DACH2: variants seen among roughly 807,000 people sequenced by gnomAD.
The protein encoded by DACH2 is dachshund homolog 2.
A neutral mutation model predicts 35.8 loss-of-function variants in DACH2; 17 were observed. That is an observed-to-expected ratio of 0.48 (90% CI 0.33 to 0.71). DACH2 has a LOEUF of 0.71. Among genes scored for constraint, DACH2 ranks in the 30% least tolerant of loss-of-function variants. The pLI is 0.02. For missense variants in DACH2, 469 were observed against 472.7 expected (o/e 0.99, Z 0.07); for synonymous variants, 195 against 177.3 (o/e 1.10, Z -0.79).
chrX:86,682,881 A>G lies in DACH2; in HGVS notation c.773-12140A>G, dbSNP rs768931084. ...ATTTCCTTATCCTTTTTTTCCATATAGAATAATTTTTGGTGATAAAATTAG... is the reference window on the plus strand; with the variant it reads ...ATTTCCTTATCCTTTTTTTCCATATGGAATAATTTTTGGTGATAAAATTAG... On this transcript the variant is annotated intron_variant, in intron 4 of 11. Transcript: ENST00000373125. Among the ~76,000 whole-genome samples, 3 of 111,395 alleles carry G rather than the reference A, an allele frequency of 2.7e-5. No individual in the cohort carries two copies. In the East Asian group the frequency reaches 8.5e-4, roughly 31 times the overall value.
intron 7 of DACH2, among the ~76,000 whole-genome samples, chrX:86,784,357 C>A (rs1343387350): frequency 9.1e-6 from 1 of 110,298 alleles, no homozygotes; most frequent in Admixed American, 9.7e-5. Context: ...TACCCACAGA[C>A]AACATACATA....
chrX:86,257,881 G>T (rs965068542), intron 1 of DACH2, among the ~76,000 whole-genome samples: 1 of 111,755 alleles, frequency 8.9e-6, no homozygotes, highest in Admixed American at 9.5e-5. Flanking sequence ...TTCTATTCAG[G>T]ATTCTTGGGA....
intron 4 of DACH2, among the ~76,000 whole-genome samples, chrX:86,672,524 C>A (rs7056901): frequency 0.23 from 26,066 of 111,040 alleles, 2,505 homozygotes; most frequent in Admixed American, 0.46. Context: ...GCTGCTCTAG[C>A]TCCAGCCATG....
intron 7 of DACH2, among the ~76,000 whole-genome samples, chrX:86,776,059 T>A (rs932554928): frequency 9.0e-6 from 1 of 111,569 alleles, no homozygotes; most frequent in Non-Finnish European, 1.9e-5. Flanking sequence ...AACATGCTTT[T>A]TTCCAGACTA....
chrX:86,812,820 T>G, intron 7 of DACH2, 36 bp from the exon 8 acceptor site: 2 of 1,125,339 alleles, frequency 1.8e-6, no homozygotes, highest in Non-Finnish European at 2.4e-6. Flanking sequence ...GAGCTCTTAA[T>G]CTGTGAACCT....
intron 1 of DACH2, among the ~76,000 whole-genome samples, chrX:86,259,707 G>T (rs1194684479): frequency 8.9e-6 from 1 of 111,922 alleles, no homozygotes; most frequent in African/African-American, 3.2e-5. Context: ...TTGTTCAATT[G>T]AAGTGACTTG....
intron 4 of DACH2, among the ~76,000 whole-genome samples, chrX:86,666,911 C>A (rs1291258245): frequency 1.3e-4 from 14 of 109,530 alleles, no homozygotes; most frequent in African/African-American, 4.3e-4. Context: ...TTAGAAAACA[C>A]TGAGTTGCTG....
At chrX:86,462,954 C>A (rs1312549514) in intron 2 of DACH2, among the ~76,000 whole-genome samples, 1 of 111,284 alleles carries the variant, frequency 9.0e-6, no homozygotes, top group African/African-American at 3.3e-5. Flanking sequence ...GATAAAGATC[C>A]TATTTTATTT....
chrX:86,542,702 C>G (rs1182156135), intron 3 of DACH2, among the ~76,000 whole-genome samples: 1 of 112,015 alleles, frequency 8.9e-6, no homozygotes, highest in Non-Finnish European at 1.9e-5. Flanking sequence ...TAAAATCACC[C>G]TTCCACTCAA....
rs757394480 is a variant in DACH2 at position 86,369,419 on chromosome X, C to T, written c.489-7405C>T. On this transcript the variant is annotated intron_variant, in intron 1 of 11. Coordinates refer to ENST00000373125, the MANE Select transcript of DACH2 (RefSeq NM_053281.3). ...TAAGGGATTTAATGGACTTTCAAAT[C>T]GGTAATCCTCTTCATTCCCATTTTT... Among the ~76,000 whole-genome samples, 92 of 110,738 alleles carry T rather than the reference C, an allele frequency of 8.3e-4. 1 individual carries two copies. The highest frequency in any genetic ancestry group is 2.7e-3 in the South Asian group (7 of 2,613).
chrX:86,809,281 TAA>T (rs1256584384), intron 7 of DACH2, among the ~76,000 whole-genome samples: 1 of 111,687 alleles, frequency 9.0e-6, no homozygotes, highest in Non-Finnish European at 1.9e-5. Context: ...CTGGGTTTAA[TAA>T]GAGATGCTCT....
chrX:86,716,876 T>C (rs771894447), intron 6 of DACH2, among the ~76,000 whole-genome samples: 3 of 112,035 alleles, frequency 2.7e-5, no homozygotes, highest in Non-Finnish European at 5.6e-5. Flanking sequence ...CTATTTCATA[T>C]GCAACCTTTT....
intron 7 of DACH2, among the ~76,000 whole-genome samples, chrX:86,796,910 T>TATAC (rs920491262): frequency 1.8e-5 from 2 of 111,551 alleles, no homozygotes; most frequent in African/African-American, 6.5e-5. Context: ...TTTTTTTTTC[T>TATAC]ATACATACAT....
intron 1 of DACH2, among the ~76,000 whole-genome samples, chrX:86,241,483 A>G (rs7060274): frequency 0.085 from 9,554 of 111,745 alleles, 1,027 homozygotes; most frequent in African/African-American, 0.29. Flanking sequence ...TGAATTTGTA[A>G]TGAGATTGTC....
intron 2 of DACH2, among the ~76,000 whole-genome samples, chrX:86,485,395 G>C (rs1361191264): frequency 9.0e-6 from 1 of 111,435 alleles, no homozygotes; most frequent in African/African-American, 3.3e-5. Context: ...GGGGACTGGA[G>C]AAAGATTGGT....
intron 3 of DACH2, among the ~76,000 whole-genome samples, chrX:86,599,466 T>TTTCTTTCTTTCTTTC (rs769918472): frequency 1.6e-5 from 1 of 62,780 alleles, no homozygotes; most frequent in Non-Finnish European, 2.8e-5. Flanking sequence ...TCCTTCCTTC[T>TTTCTTTCTTTCTTTC]TTTCTTTCTT....
chrX:86,315,217 G>A (rs2034875129), intron 1 of DACH2, among the ~76,000 whole-genome samples: 1 of 112,114 alleles, frequency 8.9e-6, no homozygotes, highest in African/African-American at 3.2e-5. Flanking sequence ...CCTGTGCTAT[G>A]CAAATGGCAC....
At chrX:86,521,938 A>T (rs762406586) in intron 3 of DACH2, among the ~76,000 whole-genome samples, 1 of 111,660 alleles carries the variant, frequency 9.0e-6, no homozygotes, top group South Asian at 3.7e-4. Flanking sequence ...CCTTTAATTT[A>T]TATAGCTTGA....
chrX:86,210,782 G>A (rs186723636), intron 1 of DACH2, among the ~76,000 whole-genome samples: 2 of 111,857 alleles, frequency 1.8e-5, no homozygotes, highest in East Asian at 5.6e-4. Flanking sequence ...TCTAAGATAT[G>A]CCCCACAATG....
Sources: allele counts gnomAD v4.1 joint callset (sites outside exome capture counted in the v4.1 genomes callset), GRCh38; gene constraint gnomAD v4.1.1; transcripts MANE v1.5; gene names NCBI Gene and HGNC (gene_info 2026-07-23, HGNC 2026-07-21).